PTBP3: variants seen among roughly 807,000 people sequenced by gnomAD.
PTBP3 encodes polypyrimidine tract binding protein 3.
PTBP3 carries 20 observed loss-of-function variants against 58.7 expected under a neutral mutation model. The ratio of observed to expected loss-of-function variants is 0.34; its 90% CI spans 0.24 to 0.50. The LOEUF is 0.50. PTBP3 is among the 20% of genes least tolerant of loss of function. PTBP3 has a pLI of 0.98. For synonymous variants in PTBP3, 185 were observed against 219.8 expected (o/e 0.84, Z 1.40); for missense variants, 509 against 637.2 (o/e 0.80, Z 2.17).
intron 1 of PTBP3, chr9:112,332,841 C>A (rs1564471319): frequency 1.2e-6 from 2 of 1,612,342 alleles, no homozygotes; most frequent in Non-Finnish European, 1.7e-6. Flanking sequence ...GGGAAGCGTC[C>A]ATGGTCACTA....
At position 112,327,304 on chromosome 9, in the gene PTBP3, G is replaced by A. The variant is rs139658661; in HGVS notation, c.-52+6166C>T. Among the ~76,000 whole-genome samples the A allele has an allele frequency of 8.8e-3, 1,333 of 152,146 alleles. 24 individuals carry two copies. The highest frequency in any genetic ancestry group is 0.03 in the African/African-American group (1,253 of 41,502). ...AAGAAGGCCGGGCACAGTGGCTCAC[G>A]CCTGTAATCCCAGCACTTTGGGAGG... On this transcript the variant is annotated intron_variant, in intron 1 of 13. Coordinates refer to ENST00000374257, the MANE Select transcript of PTBP3 (RefSeq NM_001163788.4).
intron 1 of PTBP3, among the ~76,000 whole-genome samples, chr9:112,305,933 CTG>C (rs1293794397): frequency 6.6e-6 from 1 of 152,004 alleles, no homozygotes; most frequent in Non-Finnish European, 1.5e-5. Context: ...GAGCGAGACT[CTG>C]TCTCAAAAAA....
At chr9:112,376,504 G>A in the PTBP3 span, among the ~76,000 whole-genome samples, 1,299 of 151,756 alleles carry the variant, frequency 8.6e-3, 27 homozygotes, top group African/African-American at 0.03. Flanking sequence ...CGCCTGCCTC[G>A]GCCTCCCAAA....
the PTBP3 span, among the ~76,000 whole-genome samples, chr9:112,363,560 A>ACACACACACACACACAC: frequency 7.3e-5 from 7 of 95,738 alleles, no homozygotes; most frequent in African/African-American, 3.2e-4. Context: ...ACACACACAC[A>ACACACACACACACACAC]AAGGCTATTC....
intron 1 of PTBP3, among the ~76,000 whole-genome samples, chr9:112,315,739 A>T (rs532482750): frequency 6.6e-6 from 1 of 152,364 alleles, no homozygotes; most frequent in Admixed American, 6.5e-5. Context: ...ATTCTATCAA[A>T]GAGTTTTAAA....
chr9:112,246,310 C>T (rs1410201638), intron 7 of PTBP3, among the ~76,000 whole-genome samples: 2 of 151,930 alleles, frequency 1.3e-5, no homozygotes, highest in East Asian at 3.9e-4. Flanking sequence ...TAATAAAATG[C>T]TAGCTAATAA....
chr9:112,318,310 T>C (rs1424921258), intron 1 of PTBP3, among the ~76,000 whole-genome samples: 3 of 152,252 alleles, frequency 2.0e-5, no homozygotes, highest in African/African-American at 7.2e-5. Flanking sequence ...AGTAAGTTTT[T>C]ATAGCAATAT....
At chr9:112,307,705 G>T (rs1829281362) in intron 1 of PTBP3, among the ~76,000 whole-genome samples, 1 of 152,044 alleles carries the variant, frequency 6.6e-6, no homozygotes, top group African/African-American at 2.4e-5. Flanking sequence ...TTTTTCCCAA[G>T]AACTCACTTT....
chr9:112,282,370 T>C (rs529149350), intron 2 of PTBP3, among the ~76,000 whole-genome samples: 1 of 152,336 alleles, frequency 6.6e-6, no homozygotes, highest in African/African-American at 2.4e-5. Flanking sequence ...TCACTGACTT[T>C]TGCTTTCATC....
At chr9:112,249,526 A>AGT (rs1564404538) in intron 7 of PTBP3, among the ~76,000 whole-genome samples, 1 of 152,132 alleles carries the variant, frequency 6.6e-6, no homozygotes, top group Non-Finnish European at 1.5e-5. Flanking sequence ...TGATAGGCAA[A>AGT]GTAGAGAAAC....
Position 112,232,196 on chromosome 9 carries a change from G to T in PTBP3, c.923C>A (p.Thr308Lys), listed in dbSNP as rs1017423630. The T allele has an allele frequency of 5.6e-6, 9 of 1,611,628 alleles. No individual in the cohort carries two copies. The highest frequency in any genetic ancestry group is 1.3e-5 in the African/African-American group (1 of 74,816). The change falls in exon 9 of 14, where the codon ACA becomes AAA. Residue 308 changes from threonine (T) to lysine (K), a missense_variant. Thr to Lys is a moderately conservative substitution (Grantham distance 78, BLOSUM62 -1). Around this residue, in one of 4 missense-constraint regions of PTBP3, gnomAD observed 121 missense variants for 114.8 expected, o/e 1.05. Coordinates refer to ENST00000374257, the MANE Select transcript of PTBP3 (RefSeq NM_001163788.4). ...PAVPGALGPL[T>K]ITSSAVTGRM... is the part of the protein sequence containing the mutation. ...TCCAGTGACAGCAGAAGAGGTGATT[G>T]TGAGAGGACCAAGAGCTCCAGGAAC...
chr9:112,254,114 C>T (rs1836249800), intron 5 of PTBP3, among the ~76,000 whole-genome samples: 1 of 152,044 alleles, frequency 6.6e-6, no homozygotes, highest in African/African-American at 2.4e-5. Flanking sequence ...TCTCAGCCTC[C>T]CAAGTAGCTG....
chr9:112,282,580 T>C (rs188088091), intron 2 of PTBP3, among the ~76,000 whole-genome samples: 1 of 152,300 alleles, frequency 6.6e-6, no homozygotes, highest in Admixed American at 6.5e-5. Context: ...TTTATTTCTG[T>C]TCAAAGTAGC....
At chr9:112,311,244 G>A (rs887821137) in intron 1 of PTBP3, among the ~76,000 whole-genome samples, 2 of 151,630 alleles carry the variant, frequency 1.3e-5, no homozygotes, top group Non-Finnish European at 2.9e-5. Context: ...CATGGGTTCT[G>A]CATCTGTAGA....
chr9:112,289,999 T>C (rs1471726006), intron 2 of PTBP3, among the ~76,000 whole-genome samples: 1 of 152,198 alleles, frequency 6.6e-6, no homozygotes, highest in African/African-American at 2.4e-5. Flanking sequence ...ATTAATCAAT[T>C]TGCAGACAAT....
the PTBP3 span, among the ~76,000 whole-genome samples, chr9:112,341,403 A>T: frequency 6.6e-6 from 1 of 152,072 alleles, no homozygotes; most frequent in Admixed American, 6.6e-5. Flanking sequence ...AAGTGCTGGG[A>T]TTACAGGCAT....
the PTBP3 span, among the ~76,000 whole-genome samples, chr9:112,356,071 C>T: frequency 6.7e-6 from 1 of 149,840 alleles, no homozygotes; most frequent in Non-Finnish European, 1.5e-5. Context: ...CTCTCTCTCT[C>T]TCTTAGATGG....
chr9:112,352,868 C>T, the PTBP3 span, among the ~76,000 whole-genome samples: 1 of 150,966 alleles, frequency 6.6e-6, no homozygotes, highest in South Asian at 2.1e-4. Flanking sequence ...TGCCATCTTC[C>T]TTTGAAGTTA....
At chr9:112,301,600 TG>T (rs1385794918) in intron 1 of PTBP3, among the ~76,000 whole-genome samples, 1 of 152,064 alleles carries the variant, frequency 6.6e-6, no homozygotes, top group African/African-American at 2.4e-5. Flanking sequence ...GAGATAGAGA[TG>T]GTTGGGTGGA....
Sources: allele counts gnomAD v4.1 joint callset (sites outside exome capture counted in the v4.1 genomes callset), GRCh38; gene constraint gnomAD v4.1.1; regional missense constraint gnomAD v4.1.1; transcripts MANE v1.5; gene names NCBI Gene and HGNC (gene_info 2026-07-23, HGNC 2026-07-21).